The following CFAP97D2 variants were observed in gnomAD, a reference collection of about 807,000 sequenced individuals.
The protein encoded by CFAP97D2 is uncharacterized protein CFAP97D2.
At position 114,182,385 on chromosome 13, in the gene CFAP97D2, C is replaced by T. The variant is rs201927416; in HGVS notation, c.90+2965C>T. On this transcript the variant is annotated intron_variant, in intron 1 of 4. Transcript: ENST00000646158. ...ACAAATGTACAATCGGGTTTTATAC[C>T]GAGACATTCAGTTCCCAGGGGCAGG... Among the ~76,000 whole-genome samples the T allele has an allele frequency of 1.5e-3, 229 of 151,180 alleles. 2 individuals are homozygous for T. Among genetic ancestry groups the T allele is most frequent in the Middle Eastern group, 0.014 (4 of 294 alleles).
At chr13:114,184,920 A>T (rs1046865203) in intron 1 of CFAP97D2, among the ~76,000 whole-genome samples, 1 of 152,242 alleles carries the variant, frequency 6.6e-6, no homozygotes, top group Non-Finnish European at 1.5e-5. Context: ...ACTTATGTGC[A>T]TATCTCTATC....
At chr13:114,219,156 A>G (rs2081008698) in intron 4 of CFAP97D2, among the ~76,000 whole-genome samples, 1 of 152,254 alleles carries the variant, frequency 6.6e-6, no homozygotes, top group Admixed American at 6.5e-5. Flanking sequence ...TCCAGAATCT[A>G]CAAAGAACTC....
chr13:114,212,720 C>T (rs1267866810), intron 4 of CFAP97D2, among the ~76,000 whole-genome samples: 2 of 152,048 alleles, frequency 1.3e-5, no homozygotes, highest in Non-Finnish European at 2.9e-5. Context: ...AGTATGGTGG[C>T]ACAAAATTGC....
chr13:114,181,681 T>C (rs1446707964), intron 1 of CFAP97D2, among the ~76,000 whole-genome samples: 1 of 152,226 alleles, frequency 6.6e-6, no homozygotes, highest in East Asian at 1.9e-4. Flanking sequence ...TAGTTTTTTA[T>C]TGCTTGGCTG....
intron 2 of CFAP97D2, among the ~76,000 whole-genome samples, 166 bp downstream of exon 2, chr13:114,196,642 G>A (rs562687719): frequency 6.8e-4 from 103 of 152,308 alleles, no homozygotes; most frequent in African/African-American, 2.3e-3. Flanking sequence ...GGAGCTGGTT[G>A]ATAATTGGAG....
Position 114,185,867 on chromosome 13 carries a change from A to G in CFAP97D2, c.90+6447A>G, listed in dbSNP as rs1203864062. On this transcript the variant is annotated intron_variant, in intron 1 of 4. Coordinates refer to ENST00000646158, the Ensembl canonical transcript of CFAP97D2. The surrounding 1 kb of genome is among the most constrained non-coding windows in gnomAD (Gnocchi z 5.2). ...TCTTGGCATGAACAGCCTGCGTGCCATGAACAGCAACAGGAGGCAGACGGA... is the reference window on the plus strand; with the variant it reads ...TCTTGGCATGAACAGCCTGCGTGCCGTGAACAGCAACAGGAGGCAGACGGA... Among the ~76,000 whole-genome samples, 1 of 152,232 alleles carries G rather than the reference A, an allele frequency of 6.6e-6. No individual in the cohort carries two copies. Among genetic ancestry groups the G allele is most frequent in the Non-Finnish European group, 1.5e-5 (1 of 68,026 alleles).
At chr13:114,181,052 T>C (rs959668124) in intron 1 of CFAP97D2, among the ~76,000 whole-genome samples, 3 of 152,190 alleles carry the variant, frequency 2.0e-5, no homozygotes, top group African/African-American at 7.2e-5. Context: ...GATGGAGTCA[T>C]TGGAACACCC....
chr13:114,218,302 AG>A (rs1373963369), intron 4 of CFAP97D2, among the ~76,000 whole-genome samples: 4 of 152,252 alleles, frequency 2.6e-5, no homozygotes, highest in Non-Finnish European at 4.4e-5. Context: ...TAAAATACCT[AG>A]GAATCCAACT....
chr13:114,210,855 T>TACACACACACACAC (rs34230424), intron 3 of CFAP97D2, among the ~76,000 whole-genome samples: 176 of 144,964 alleles, frequency 1.2e-3, no homozygotes, highest in East Asian at 5.2e-3. Context: ...ATTTCATTGA[T>TACACACACACACAC]ACACACACAC....
Position 114,179,667 on chromosome 13 carries a change from T to C in CFAP97D2, c.90+247T>C, listed in dbSNP as rs2138742929. ...ATGACAGCTTTCATGTGCCATGTTTTAGGGCCATCCTATTTCTAATCACAG... is the reference window on the plus strand; with the variant it reads ...ATGACAGCTTTCATGTGCCATGTTTCAGGGCCATCCTATTTCTAATCACAG... On this transcript the variant is annotated intron_variant, in intron 1 of 4. Coordinates refer to ENST00000646158, the Ensembl canonical transcript of CFAP97D2. This position sits in a 1 kb window ranked among gnomAD's most constrained non-coding sequence, Gnocchi z 4.8. Among the ~76,000 whole-genome samples, 1 of 152,340 alleles carries C rather than the reference T, an allele frequency of 6.6e-6. No individual in the cohort carries two copies. The highest frequency in any genetic ancestry group is 1.9e-4 in the East Asian group (1 of 5,190).
At chr13:114,182,421 T>C (rs947938539) in intron 1 of CFAP97D2, among the ~76,000 whole-genome samples, 5 of 152,028 alleles carry the variant, frequency 3.3e-5, no homozygotes, top group African/African-American at 9.7e-5. Context: ...CAGGAGACAG[T>C]GGCCTTCCTC....
intron 2 of CFAP97D2, among the ~76,000 whole-genome samples, 159 bp from the exon 3 acceptor site, chr13:114,200,166 G>A (rs1196882261): frequency 6.6e-6 from 1 of 152,166 alleles, no homozygotes; most frequent in African/African-American, 2.4e-5. Flanking sequence ...GTGACAGTGG[G>A]TCCCTGTGTG....
rs910321941 is a variant in CFAP97D2 at position 114,207,165 on chromosome 13, C to T, written c.291-4747C>T. Among the ~76,000 whole-genome samples, 1 of 152,192 alleles carries T rather than the reference C, an allele frequency of 6.6e-6. No individual in the cohort carries two copies. Among genetic ancestry groups the T allele is most frequent in the African/African-American group, 2.4e-5 (1 of 41,436 alleles). On this transcript the variant is annotated intron_variant, in intron 3 of 4. Transcript: ENST00000646158. The surrounding 1 kb of genome is among the most constrained non-coding windows in gnomAD (Gnocchi z 4.9). ...GCCTGAGCCCCATCTGCTCCCCTGC[C>T]GCTGCAAGGGCAGCACCATGCAGGG... is the stretch of plus-strand genomic sequence containing the variant.
chr13:114,186,739 G>A lies in CFAP97D2; in HGVS notation c.90+7319G>A, dbSNP rs1444998264. Among the ~76,000 whole-genome samples, 1 of 152,188 alleles carries A rather than the reference G, an allele frequency of 6.6e-6. No individual in the cohort carries two copies. Among genetic ancestry groups the A allele is most frequent in the African/African-American group, 2.4e-5 (1 of 41,446 alleles). Reference sequence around the variant, plus strand: ...CCTGGTCCAGGCACAGCCTCGCAGTGAGCCAGCACCCATGCTGGCACCTGG... The same window carrying A: ...CCTGGTCCAGGCACAGCCTCGCAGTAAGCCAGCACCCATGCTGGCACCTGG... On this transcript the variant is annotated intron_variant, in intron 1 of 4. Coordinates refer to ENST00000646158, the Ensembl canonical transcript of CFAP97D2. This position sits in a 1 kb window ranked among gnomAD's most constrained non-coding sequence, Gnocchi z 4.3.
chr13:114,194,325 T>G (rs1025458785), intron 1 of CFAP97D2, among the ~76,000 whole-genome samples: 1 of 152,156 alleles, frequency 6.6e-6, no homozygotes, highest in Non-Finnish European at 1.5e-5. Context: ...AACCTGAATT[T>G]CTAACTGCCA....
chr13:114,207,219 C>T lies in CFAP97D2; in HGVS notation c.291-4693C>T, dbSNP rs1300909146. ...ACAGAAAGTCCTCAGGGCTCGCAAA[C>T]CAGAAAGTATCTAGACAGGTCTCAA... On this transcript the variant is annotated intron_variant, in intron 3 of 4. Transcript: ENST00000646158. This position sits in a 1 kb window ranked among gnomAD's most constrained non-coding sequence, Gnocchi z 4.9. Among the ~76,000 whole-genome samples the T allele has an allele frequency of 1.3e-5, 2 of 152,286 alleles. No homozygotes were observed. Among genetic ancestry groups the T allele is most frequent in the East Asian group, 3.9e-4 (2 of 5,174 alleles).
chr13:114,197,824 A>G (rs1306890164), intron 2 of CFAP97D2, among the ~76,000 whole-genome samples: 1 of 144,606 alleles, frequency 6.9e-6, no homozygotes, highest in East Asian at 1.9e-4. Context: ...CTGGGATTAC[A>G]GGCGCACCCA....
At chr13:114,197,904 C>G (rs1287113146) in intron 2 of CFAP97D2, among the ~76,000 whole-genome samples, 1 of 150,570 alleles carries the variant, frequency 6.6e-6, no homozygotes, top group Non-Finnish European at 1.5e-5. Context: ...AGGCTGGTCT[C>G]AAACTCCTGA....
rs1316060133 is a variant in CFAP97D2, at chr13:114,201,201, G to A, written c.290+758G>A. On this transcript the variant is annotated intron_variant, in intron 3 of 4. Coordinates refer to ENST00000646158, the Ensembl canonical transcript of CFAP97D2. ...TGCCCCCTGCATCTTACACATCCTA[G>A]AGTAACCTCATAGTTACACCATGGC... 2.0e-5 allele frequency among the ~76,000 whole-genome samples: 3 copies of A among 152,234 alleles called. No homozygotes were observed. The East Asian group carries it at 5.8e-4, about 29-fold the overall frequency.
Sources: allele counts gnomAD v4.1 joint callset (sites outside exome capture counted in the v4.1 genomes callset), GRCh38; gene constraint gnomAD v4.1.1; non-coding constraint Gnocchi (gnomAD v3.1); transcripts MANE v1.5; gene names NCBI Gene and HGNC (gene_info 2026-07-23, HGNC 2026-07-21).